Variants in OR13F1 observed in about 807,000 individuals in gnomAD.
The protein encoded by OR13F1 is olfactory receptor family 13 subfamily F member 1, also known as olfactory receptor 13F1.
For synonymous variants in OR13F1, 142 were observed against 149.1 expected, an observed-to-expected ratio of 0.95 and a Z score of 0.34; for missense variants, 386 against 384.5, an observed-to-expected ratio of 1.00 and a Z score of -0.03.
chr9:104,504,747 C>G lies in OR13F1; in HGVS notation c.485C>G (p.Ser162Cys). The change falls in exon 1 of 1, where the codon TCT becomes TGT. Residue 162 changes from serine to cysteine, a missense_variant. Coordinates refer to ENST00000334726, the MANE Select transcript of OR13F1 (RefSeq NM_001004485.1). ...CTCACTGCCATGGTGGAAATGATGT[C>G]TGTGCTGCCACTGTCTCTCTGTGGT... ...GCLTAMVEMM[S>C]VLPLSLCGNS... 6.2e-7 allele frequency: 1 copy of G among 1,614,154 alleles called. No individual in the cohort carries two copies. Among genetic ancestry groups the G allele is most frequent in the Non-Finnish European group, 8.5e-7 (1 of 1,180,016 alleles).
rs984058556 is a variant in OR13F1 at position 104,505,113 on chromosome 9, T to C, written c.851T>C (p.Met284Thr). ...TTGGTGTATGCCGGACAAACCCCCA[T>C]GTTGAATCCTATCATCTATAGTCTA... ...MALVYAGQTP[M>T]LNPIIYSLRN... The change falls in exon 1 of 1, where the codon ATG (methionine) becomes ACG (threonine). Residue 284 changes from methionine to threonine, a missense_variant. Physicochemically the swap from Met to Thr is moderately conservative, Grantham distance 81. Transcript: ENST00000334726. 6.2e-7 allele frequency: 1 copy of C among 1,614,174 alleles called. No homozygotes were observed. Among genetic ancestry groups the C allele is most frequent in the South Asian group, 1.1e-5 (1 of 91,078 alleles).
At position 104,504,691 on chromosome 9, in the gene OR13F1, G is replaced by T; in HGVS notation, c.429G>T (p.Gln143His). The change falls in exon 1 of 1, where the codon CAG (glutamine) becomes CAT (histidine). Residue 143 changes from glutamine (Q) to histidine (H), a missense_variant. Gln to His is a conservative substitution (Grantham distance 24). Transcript: ENST00000334726. The stretch of plus-strand genomic sequence containing the variant: ...TCATGAATAGGAGAACCTGTGTGCA[G>T]ATTGCAGCTGGCTCCTGGATGACAG... ...PVIMNRRTCV[Q>H]IAAGSWMTGC... 1 of 1,614,140 alleles carries T rather than the reference G, an allele frequency of 6.2e-7. No homozygotes were observed. The highest frequency in any genetic ancestry group is 8.5e-7 in the Non-Finnish European group (1 of 1,180,032).
rs747290211 is a variant in OR13F1, at chr9:104,504,928, C to T, written c.666C>T (p.Leu222=). 69 of 1,613,980 alleles carry T rather than the reference C, an allele frequency of 4.3e-5. No homozygotes were observed. The highest frequency in any genetic ancestry group is 5.3e-5 in the Non-Finnish European group (62 of 1,179,972). Residue 222 remains leucine, a synonymous_variant, in exon 1 of 1, where the codon CTC becomes CTT. Transcript: ENST00000334726. ...TTTGTATCTCTTATGCATTTATCCT[C>T]GCCAGTATCCTGAGAATCAGCTCAG... ...LLICISYAFI[L]ASILRISSVE... is the part of the protein sequence containing the mutation.
Position 104,504,898 on chromosome 9 carries a change from A to G in OR13F1, c.636A>G (p.Leu212=), listed in dbSNP as rs750422191. The G allele has an allele frequency of 4.3e-6, 7 of 1,613,498 alleles. No homozygotes were observed. Among genetic ancestry groups the G allele is most frequent in the South Asian group, 1.1e-5 (1 of 91,058 alleles). ...TACTTCTTCTCCCCATGCCAATGCT[A>G]CTCATTTGTATCTCTTATGCATTTA... is the stretch of plus-strand genomic sequence containing the variant. ...ISVLLLPMPM[L]LICISYAFIL... is the part of the protein sequence containing the mutation. The change falls in exon 1 of 1, where the codon CTA becomes CTG. Residue 212 remains leucine, a synonymous_variant. Transcript: ENST00000334726.
Position 104,504,417 on chromosome 9 carries a change from A to G in OR13F1, c.155A>G (p.Asp52Gly), listed in dbSNP as rs1828440070. ...NIFLISITIL[D>G]SHLHTPMYLF... ...TTTCTGATCTCCATCACCATTCTAG[A>G]TTCCCACCTGCACACCCCTATGTAC... The change falls in exon 1 of 1, where the codon GAT (aspartate) becomes GGT (glycine). Residue 52 changes from aspartate (D) to glycine (G), a missense_variant. Asp to Gly is a moderately conservative substitution (Grantham distance 94, BLOSUM62 -1). Transcript: ENST00000334726. 1 of 1,613,932 alleles carries G rather than the reference A, an allele frequency of 6.2e-7. No individual in the cohort carries two copies. The highest frequency in any genetic ancestry group is 8.5e-7 in the Non-Finnish European group (1 of 1,179,914).
Position 104,504,540 on chromosome 9 carries a change from C to A in OR13F1, c.278C>A (p.Ser93Ter). 6.2e-7 allele frequency: 1 copy of A among 1,614,114 alleles called. No individual in the cohort carries two copies. The highest frequency in any genetic ancestry group is 8.5e-7 in the Non-Finnish European group (1 of 1,179,962). The change falls in exon 1 of 1, where the codon TCA (serine) becomes TAA (stop). Residue 93 changes from serine (S) to a stop codon, truncating the protein, a stop_gained. Coordinates refer to ENST00000334726, the MANE Select transcript of OR13F1 (RefSeq NM_001004485.1). LOFTEE classifies it low-confidence loss of function (END_TRUNC). ...TTTGTTTCAGGGAGAAACACTATTTCATTCTCAGGGTGCGCCACTCAGATG... is the reference window on the plus strand; with the variant it reads ...TTTGTTTCAGGGAGAAACACTATTTAATTCTCAGGGTGCGCCACTCAGATG... ...ANFVSGRNTI[S>*]FSGCATQMYL...
rs368331596 is a variant in OR13F1 at position 104,504,809 on chromosome 9, G to A, written c.547G>A (p.Ala183Thr). 12 of 1,613,896 alleles carry A rather than the reference G, an allele frequency of 7.4e-6. No homozygotes were observed. Among genetic ancestry groups the A allele is most frequent in the African/African-American group, 1.3e-5 (1 of 74,874 alleles). ...CAATCATTTCACTTGTGAAATTCTGGCCATCTTGAAATTGGTTTGTGTGGA... is the reference window on the plus strand; with the variant it reads ...CAATCATTTCACTTGTGAAATTCTGACCATCTTGAAATTGGTTTGTGTGGA... ...IINHFTCEILAILKLVCVDTS... is the reference protein window; with the variant it reads ...IINHFTCEILTILKLVCVDTS... Residue 183 changes from alanine to threonine, a missense_variant, in exon 1 of 1, where the codon GCC becomes ACC. Ala to Thr is a moderately conservative substitution (Grantham distance 58). Transcript: ENST00000334726.
chr9:104,504,548 G>A lies in OR13F1; in HGVS notation c.286G>A (p.Gly96Arg), dbSNP rs990029487. 3.7e-6 allele frequency: 6 copies of A among 1,614,012 alleles called. No homozygotes were observed. Among genetic ancestry groups the A allele is most frequent in the Non-Finnish European group, 5.1e-6 (6 of 1,179,998 alleles). The change falls in exon 1 of 1, where the codon GGG becomes AGG. Residue 96 changes from glycine (G) to arginine (R), a missense_variant. By Grantham distance (125) the Gly-to-Arg change is moderately radical. Coordinates refer to ENST00000334726, the MANE Select transcript of OR13F1 (RefSeq NM_001004485.1). ...AGGGAGAAACACTATTTCATTCTCA[G>A]GGTGCGCCACTCAGATGTACCTCTC... ...VSGRNTISFS[G>R]CATQMYLSLA...
chr9:104,504,700 T>G lies in OR13F1; in HGVS notation c.438T>G (p.Ala146=). The G allele has an allele frequency of 6.2e-7, 1 of 1,614,152 alleles. No homozygotes were observed. The highest frequency in any genetic ancestry group is 8.5e-7 in the Non-Finnish European group (1 of 1,180,036). The change falls in exon 1 of 1, where the codon GCT becomes GCG. Residue 146 remains alanine, a synonymous_variant. Coordinates refer to ENST00000334726, the MANE Select transcript of OR13F1 (RefSeq NM_001004485.1). ...MNRRTCVQIA[A]GSWMTGCLTA... ...GGAGAACCTGTGTGCAGATTGCAGC[T>G]GGCTCCTGGATGACAGGCTGTCTCA...
In OR13F1 at chr9:104,504,381, T is replaced by C. The variant is rs1226818278; in HGVS notation, c.119T>C (p.Leu40Pro). The C allele has an allele frequency of 1.9e-6, 3 of 1,614,066 alleles. No individual in the cohort carries two copies. In the African/African-American group the frequency reaches 4.0e-5, roughly 22 times the overall value. The part of the protein sequence containing the change: ...VCLLMYLITL[L>P]GNIFLISITI... ...TTGCTGATGTACCTGATCACCTTGC[T>C]GGGCAACATTTTTCTGATCTCCATC... The change falls in exon 1 of 1, where the codon CTG (leucine) becomes CCG (proline). Residue 40 changes from leucine (L) to proline (P), a missense_variant. Transcript: ENST00000334726.
rs186677468 is a variant in OR13F1, at chr9:104,504,508, G to A, written c.246G>A (p.Leu82=). The A allele has an allele frequency of 1.5e-5, 24 of 1,613,992 alleles. 1 individual carries two copies. In the East Asian group the frequency reaches 4.7e-4, roughly 31 times the overall value. ...WYSSSALSPM[L]ANFVSGRNTI... is the part of the protein sequence containing the mutation. The stretch of plus-strand genomic sequence containing the variant: ...CCTCTTCTGCCCTCTCTCCAATGCT[G>A]GCAAACTTTGTTTCAGGGAGAAACA... The change falls in exon 1 of 1, where the codon CTG becomes CTA. Residue 82 remains leucine, a synonymous_variant. Coordinates refer to ENST00000334726, the MANE Select transcript of OR13F1 (RefSeq NM_001004485.1).
In OR13F1 at chr9:104,504,692, A is replaced by C; in HGVS notation, c.430A>C (p.Ile144Leu). 1 of 1,614,070 alleles carries C rather than the reference A, an allele frequency of 6.2e-7. No individual in the cohort carries two copies. Among genetic ancestry groups the C allele is most frequent in the South Asian group, 1.1e-5 (1 of 91,074 alleles). The part of the protein sequence containing the change: ...VIMNRRTCVQ[I>L]AAGSWMTGCL... ...CATGAATAGGAGAACCTGTGTGCAG[A>C]TTGCAGCTGGCTCCTGGATGACAGG... Residue 144 changes from isoleucine (I) to leucine (L), a missense_variant, in exon 1 of 1, where the codon ATT (isoleucine) becomes CTT (leucine). Coordinates refer to ENST00000334726, the MANE Select transcript of OR13F1 (RefSeq NM_001004485.1).
rs1828439348 is a variant in OR13F1 at position 104,504,355 on chromosome 9, C to T, written c.93C>T (p.Cys31=). 1.2e-6 allele frequency: 2 copies of T among 1,614,074 alleles called. No individual in the cohort carries two copies. Among genetic ancestry groups the T allele is most frequent in the Non-Finnish European group, 1.7e-6 (2 of 1,179,942 alleles). The change falls in exon 1 of 1, where the codon TGC becomes TGT. Residue 31 remains cysteine (C), a synonymous_variant. Transcript: ENST00000334726. ...TTCAGGTCATCATATTTGCGGTGTG[C>T]TTGCTGATGTACCTGATCACCTTGC... is the stretch of plus-strand genomic sequence containing the variant. ...PKVQVIIFAV[C]LLMYLITLLG... is the part of the protein sequence containing the mutation.
In OR13F1 at chr9:104,505,007, G is replaced by C; in HGVS notation, c.745G>C (p.Val249Leu). 1 of 1,614,150 alleles carries C rather than the reference G, an allele frequency of 6.2e-7. No individual in the cohort carries two copies. Among genetic ancestry groups the C allele is most frequent in the South Asian group, 1.1e-5 (1 of 91,078 alleles). ...STCTAHLMVV[V>L]LFYGTALSMH... is the part of the protein sequence containing the mutation. Reference sequence around the variant, plus strand: ...GTGCACAGCCCACCTGATGGTGGTAGTTTTGTTCTATGGGACGGCTCTCTC... The same window carrying C: ...GTGCACAGCCCACCTGATGGTGGTACTTTTGTTCTATGGGACGGCTCTCTC... Residue 249 changes from valine (V) to leucine (L), a missense_variant, in exon 1 of 1, where the codon GTT (valine) becomes CTT (leucine). Val to Leu is a conservative substitution (Grantham distance 32). Transcript: ENST00000334726.
chr9:104,505,153 G>A lies in OR13F1; in HGVS notation c.891G>A (p.Val297=). The change falls in exon 1 of 1, where the codon GTG becomes GTA. Residue 297 remains valine (V), a synonymous_variant. Transcript: ENST00000334726. The part of the protein sequence containing the change: ...PIIYSLRNKE[V]KVALKKLLIR... ...TCTATAGTCTACGGAACAAAGAGGT[G>A]AAAGTGGCCTTGAAAAAATTGCTGA... The A allele has an allele frequency of 6.2e-7, 1 of 1,613,878 alleles. No homozygotes were observed. The highest frequency in any genetic ancestry group is 8.5e-7 in the Non-Finnish European group (1 of 1,179,840).
At position 104,504,347 on chromosome 9, in the gene OR13F1, G is replaced by A. The variant is rs1252293820; in HGVS notation, c.85G>A (p.Ala29Thr). The A allele has an allele frequency of 6.2e-7, 1 of 1,613,846 alleles. No homozygotes were observed. The highest frequency in any genetic ancestry group is 8.5e-7 in the Non-Finnish European group (1 of 1,179,902). ...CCCCAAAGTTCAGGTCATCATATTT[G>A]CGGTGTGCTTGCTGATGTACCTGAT... ...HYPKVQVIIF[A>T]VCLLMYLITL... is the part of the protein sequence containing the mutation. The change falls in exon 1 of 1, where the codon GCG becomes ACG. Residue 29 changes from alanine to threonine, a missense_variant. Coordinates refer to ENST00000334726, the MANE Select transcript of OR13F1 (RefSeq NM_001004485.1).
chr9:104,505,152 T>A lies in OR13F1; in HGVS notation c.890T>A (p.Val297Glu), dbSNP rs1227269067. 2 of 1,613,688 alleles carry A rather than the reference T, an allele frequency of 1.2e-6. No individual in the cohort carries two copies. Among genetic ancestry groups the A allele is most frequent in the African/African-American group, 1.3e-5 (1 of 74,872 alleles). Residue 297 changes from valine (V) to glutamate (E), a missense_variant, in exon 1 of 1, where the codon GTG (valine) becomes GAG (glutamate). By Grantham distance (121) the Val-to-Glu change is moderately radical. Coordinates refer to ENST00000334726, the MANE Select transcript of OR13F1 (RefSeq NM_001004485.1). ...PIIYSLRNKE[V>E]KVALKKLLIR... The stretch of plus-strand genomic sequence containing the variant: ...ATCTATAGTCTACGGAACAAAGAGG[T>A]GAAAGTGGCCTTGAAAAAATTGCTG...
Sources: gnomAD v4.1 joint callset for allele counts on GRCh38, gnomAD v4.1.1 for gene constraint, MANE v1.5 for transcripts, NCBI Gene and HGNC (gene_info 2026-07-23, HGNC 2026-07-21) for gene names.